RHPN2: variants seen among roughly 807,000 people sequenced by gnomAD.
RHPN2 encodes rhophilin-2.
In RHPN2, 40 loss-of-function variants were observed where a neutral mutation model predicts 79.0. The observed-to-expected ratio is 0.51, with a 90% confidence interval of 0.39 to 0.66. RHPN2 has a LOEUF of 0.66. Among genes scored for constraint, RHPN2 ranks in the 30% least tolerant of loss-of-function variants. The pLI, the probability that RHPN2 is intolerant of heterozygous loss-of-function variation, is 0.00. For missense variants in RHPN2, 686 were observed against 883.5 expected (o/e 0.78, Z 2.83); for synonymous variants, 285 against 363.5 (o/e 0.78, Z 2.46).
rs757584354 is a variant in RHPN2 at position 33,002,999 on chromosome 19, C to G, written c.762G>C (p.Gly254=). ...ATGTGTCTTTCAGGTAATTTAAAAC[C>G]CCTAAAAGTGGAAAATGTTTTGCCC... The part of the protein sequence containing the change: ...SAIDAFQRAA[G]VLNYLKDTFT... The change falls in exon 8 of 15, where the codon GGG becomes GGC. Residue 254 remains glycine, a splice_region_variant and synonymous_variant. Transcript: ENST00000254260. The G allele has an allele frequency of 1.2e-6, 2 of 1,613,554 alleles. No individual in the cohort carries two copies. The highest frequency in any genetic ancestry group is 2.7e-5 in the African/African-American group (2 of 74,976).
At chr19:33,025,328 AAC>A (rs1491063628) in intron 3 of RHPN2, among the ~76,000 whole-genome samples, 1 of 151,136 alleles carries the variant, frequency 6.6e-6, no homozygotes, top group East Asian at 1.9e-4. Context: ...AAAAAAAAAA[AAC>A]AATTAGCCAA....
chr19:33,055,930 TG>T (rs1276265588), intron 1 of RHPN2, among the ~76,000 whole-genome samples: 4 of 151,932 alleles, frequency 2.6e-5, no homozygotes, highest in African/African-American at 9.7e-5. Context: ...AAATTCATTT[TG>T]GGGCATTAGC....
chr19:32,996,756 C>T (rs1971705251), intron 10 of RHPN2, among the ~76,000 whole-genome samples: 1 of 152,068 alleles, frequency 6.6e-6, no homozygotes, highest in South Asian at 2.1e-4. Flanking sequence ...GCCCCTTCTT[C>T]GGGCCCGAGA....
At chr19:33,034,615 A>AG (rs1972040805) in intron 2 of RHPN2, among the ~76,000 whole-genome samples, 1 of 149,756 alleles carries the variant, frequency 6.7e-6, no homozygotes, top group African/African-American at 2.5e-5. Context: ...CAAAAAAAAA[A>AG]AAAAAAAATA....
At chr19:33,052,119 A>AT (rs1303253147) in intron 1 of RHPN2, among the ~76,000 whole-genome samples, 1 of 152,162 alleles carries the variant, frequency 6.6e-6, no homozygotes, top group African/African-American at 2.4e-5. Context: ...TAAGTTAAAA[A>AT]AAAAATATAA....
At chr19:32,987,283 C>T (rs1270955312) in intron 14 of RHPN2, among the ~76,000 whole-genome samples, 1 of 152,178 alleles carries the variant, frequency 6.6e-6, no homozygotes, top group Non-Finnish European at 1.5e-5. Flanking sequence ...TATGACCCTT[C>T]AGCAGTCCCT....
chr19:32,997,712 AACTCCTG>A (rs1971713968), intron 10 of RHPN2, among the ~76,000 whole-genome samples: 1 of 152,146 alleles, frequency 6.6e-6, no homozygotes, highest in South Asian at 2.1e-4. Flanking sequence ...GCTGGTCTCA[AACTCCTG>A]ACTTCAAGCC....
chr19:33,061,569 C>T (rs1023742409), intron 1 of RHPN2, among the ~76,000 whole-genome samples: 4 of 151,394 alleles, frequency 2.6e-5, no homozygotes, highest in Middle Eastern at 3.2e-3. Context: ...CTGCAACCTC[C>T]GCCTCCTGGG....
intron 2 of RHPN2, among the ~76,000 whole-genome samples, chr19:33,035,470 T>C (rs1216375102): frequency 1.3e-5 from 2 of 152,114 alleles, no homozygotes. Context: ...CCTCTTTAGG[T>C]TGGTCACTTT....
chr19:32,981,417 A>AAG lies in RHPN2; in HGVS notation c.1801-1162_1801-1161insCT, dbSNP rs374714108. On this transcript the variant is annotated intron_variant, in intron 14 of 14. Transcript: ENST00000254260. Reference sequence around the variant, plus strand: ...GACCTCTGTCTCAAAATAAAAAAAAAGGGGGGGGGCGGGGGGAAGGGAAGA... The same window carrying AAG: ...GACCTCTGTCTCAAAATAAAAAAAAAAGGGGGGGGGGCGGGGGGAAGGGAAGA... Among the ~76,000 whole-genome samples, 9 of 42,386 alleles carry AAG rather than the reference A, an allele frequency of 2.1e-4. 1 individual carries two copies. The East Asian group carries it at 5.8e-3, about 27-fold the overall frequency. 27.8% of individuals were successfully genotyped at this position (42,386 alleles called of 152,430 possible).
At chr19:33,056,067 C>CT (rs1972229891) in intron 1 of RHPN2, among the ~76,000 whole-genome samples, 1 of 150,808 alleles carries the variant, frequency 6.6e-6, no homozygotes, top group Admixed American at 6.6e-5. Flanking sequence ...GAAAGGCTTT[C>CT]TCTAGTTTGT....
At chr19:33,049,936 A>G (rs934633190) in intron 1 of RHPN2, among the ~76,000 whole-genome samples, 1 of 152,016 alleles carries the variant, frequency 6.6e-6, no homozygotes, top group Non-Finnish European at 1.5e-5. Context: ...TTCATGGGTG[A>G]TGGCTGCCCA....
chr19:33,028,721 C>T (rs1406339725), intron 2 of RHPN2, among the ~76,000 whole-genome samples: 1 of 152,112 alleles, frequency 6.6e-6, no homozygotes, highest in Non-Finnish European at 1.5e-5. Context: ...ATCCCACTAA[C>T]CTTTTTAATA....
intron 2 of RHPN2, among the ~76,000 whole-genome samples, chr19:33,035,049 C>A (rs1040635513): frequency 1.3e-5 from 2 of 152,066 alleles, no homozygotes; most frequent in African/African-American, 4.8e-5. Context: ...CTCACTGCAA[C>A]CTCCACCTTC....
intron 2 of RHPN2, 75 bp downstream of exon 2, chr19:33,044,174 C>A: frequency 6.8e-6 from 8 of 1,176,484 alleles, no homozygotes; most frequent in Non-Finnish European, 1.0e-5. Context: ...AAGCTGAAAC[C>A]AAGAGCCTGG....
At chr19:33,003,906 G>A (rs1410766782) in intron 7 of RHPN2, among the ~76,000 whole-genome samples, 1 of 152,156 alleles carries the variant, frequency 6.6e-6, no homozygotes, top group Non-Finnish European at 1.5e-5. Context: ...TGGGCACAGG[G>A]GCTGCTGCCT....
intron 3 of RHPN2, 46 bp from the exon 4 acceptor site, chr19:33,021,692 C>T (rs1262841615): frequency 2.1e-6 from 3 of 1,458,134 alleles, no homozygotes; most frequent in African/African-American, 2.9e-5. Context: ...CCAACCGGAC[C>T]CCTGTGCACC....
intron 12 of RHPN2, 47 bp from the exon 13 acceptor site, chr19:32,992,016 G>A (rs1374622419): frequency 6.2e-7 from 1 of 1,611,804 alleles, no homozygotes; most frequent in South Asian, 1.1e-5. Context: ...GGCTGGATCA[G>A]ACGCTTGAAA....
chr19:33,040,367 G>T (rs1301922317), intron 2 of RHPN2, among the ~76,000 whole-genome samples: 1 of 151,174 alleles, frequency 6.6e-6, no homozygotes, highest in Non-Finnish European at 1.5e-5. Flanking sequence ...CTCCCGAGTA[G>T]CTGGGATTAC....
Sources: allele counts gnomAD v4.1 joint callset (sites outside exome capture counted in the v4.1 genomes callset), GRCh38; gene constraint gnomAD v4.1.1; transcripts MANE v1.5; gene names NCBI Gene and HGNC (gene_info 2026-07-23, HGNC 2026-07-21).